Variants in ACBD6 observed in about 807,000 individuals in gnomAD.
The protein encoded by ACBD6 is acyl-CoA binding domain containing 6.
In ACBD6, 28 loss-of-function variants were observed where a neutral mutation model predicts 37.2. The ratio of observed to expected loss-of-function variants is 0.75; its 90% CI spans 0.56 to 1.03. The LOEUF is 1.03. Among genes scored for constraint, ACBD6 ranks in the 50% least tolerant of loss-of-function variants. The pLI is 0.00. For missense variants in ACBD6, 340 were observed against 337.4 expected (o/e 1.01, Z -0.06); for synonymous variants, 113 against 126.8 (o/e 0.89, Z 0.73).
chr1:180,359,727 T>C (rs2101901861), intron 6 of ACBD6, among the ~76,000 whole-genome samples: 1 of 152,322 alleles, frequency 6.6e-6, no homozygotes, highest in Non-Finnish European at 1.5e-5. Flanking sequence ...TGCTTTGCTG[T>C]TATGACTTTT....
At chr1:180,319,384 G>C (rs1650963985) in intron 6 of ACBD6, among the ~76,000 whole-genome samples, 1 of 152,086 alleles carries the variant, frequency 6.6e-6, no homozygotes, top group Non-Finnish European at 1.5e-5. Flanking sequence ...GTACACAGTA[G>C]GTATATATAT....
chr1:180,312,501 T>C (rs966818550), intron 7 of ACBD6, among the ~76,000 whole-genome samples: 9 of 152,206 alleles, frequency 5.9e-5, no homozygotes, highest in Non-Finnish European at 1.2e-4. Context: ...AGAATGATGA[T>C]GATTTTGTTT....
chr1:180,363,311 A>C (rs1411972535), intron 6 of ACBD6, among the ~76,000 whole-genome samples: 1 of 152,190 alleles, frequency 6.6e-6, no homozygotes, highest in East Asian at 1.9e-4. Context: ...ATAAATTTTG[A>C]TAGAGGACTG....
chr1:180,425,239 C>T (rs1648534474), intron 4 of ACBD6, among the ~76,000 whole-genome samples: 1 of 152,150 alleles, frequency 6.6e-6, no homozygotes, highest in South Asian at 2.1e-4. Context: ...TTTGCTTTCT[C>T]AATTATTTAT....
At chr1:180,390,284 C>G (rs184721303) in intron 6 of ACBD6, among the ~76,000 whole-genome samples, 15,470 of 137,734 alleles carry the variant, frequency 0.11, 915 homozygotes, top group Middle Eastern at 0.17. Flanking sequence ...GCTTGTTTTT[C>G]TCAGGTTTGT....
Position 180,397,915 on chromosome 1 carries a change from T to C in ACBD6, c.574-310A>G, listed in dbSNP as rs41267626. Among the ~76,000 whole-genome samples, 962 of 152,212 alleles carry C rather than the reference T, an allele frequency of 6.3e-3. 4 individuals carry two copies. The highest frequency in any genetic ancestry group is 0.011 in the Non-Finnish European group (763 of 68,022). ...TAAAAATACAAAAATTAGCTGGGCA[T>C]GGTGATGGGTGCTTGTAATCCCAGC... is the stretch of plus-strand genomic sequence containing the variant. On this transcript the variant is annotated intron_variant, in intron 5 of 7. Transcript: ENST00000367595.
At chr1:180,481,949 C>T (rs1393454088) in intron 3 of ACBD6, among the ~76,000 whole-genome samples, 1 of 152,088 alleles carries the variant, frequency 6.6e-6, no homozygotes, top group East Asian at 1.9e-4. Flanking sequence ...GTTCGATAGT[C>T]AGGTGAATTT....
chr1:180,287,653 G>T (rs1188443389), downstream of ACBD6, among the ~76,000 whole-genome samples: 1 of 139,316 alleles, frequency 7.2e-6, no homozygotes, highest in Non-Finnish European at 1.5e-5. Flanking sequence ...AATTAAAAGA[G>T]CCCTAAAGAA....
intron 4 of ACBD6, among the ~76,000 whole-genome samples, chr1:180,421,166 C>T (rs1648346590): frequency 6.6e-6 from 1 of 152,096 alleles, no homozygotes; most frequent in Non-Finnish European, 1.5e-5. Flanking sequence ...TGATGCTCTC[C>T]CTCCCCCTAC....
intron 3 of ACBD6, among the ~76,000 whole-genome samples, chr1:180,450,754 T>C (rs1318712398): frequency 1.3e-5 from 2 of 151,594 alleles, no homozygotes; most frequent in African/African-American, 4.9e-5. Context: ...TGAGACTCTG[T>C]CAAAAAAACA....
rs772461359 is a variant in ACBD6, at chr1:180,430,200, T to C, written c.447A>G (p.Leu149=). Residue 149 remains leucine, a synonymous_variant, in exon 4 of 8, where the codon CTA becomes CTG. Transcript: ENST00000367595. ...TGFGGPVISS[L]YHEETIREED... ...ATTACCTGATGGTTTCTTCATGATA[T>C]AGAGAACTAATAACTGGCCCACCAA... 4.3e-6 allele frequency: 7 copies of C among 1,613,256 alleles called. No homozygotes were observed. Among genetic ancestry groups the C allele is most frequent in the African/African-American group, 1.3e-5 (1 of 74,898 alleles).
exon 10 of ACBD6, chr1:180,274,720 A>G: frequency 1.9e-6 from 2 of 1,052,260 alleles, no homozygotes; most frequent in East Asian, 2.5e-5. Flanking sequence ...GCTGATTCCT[A>G]GAAGGCTGTG....
At chr1:180,481,117 C>T (rs1457513643) in intron 3 of ACBD6, among the ~76,000 whole-genome samples, 2 of 152,140 alleles carry the variant, frequency 1.3e-5, no homozygotes, top group East Asian at 3.9e-4. Context: ...AGCTAACATC[C>T]AATTCCCCTC....
At chr1:180,437,585 GACA>G (rs1649095904) in intron 3 of ACBD6, among the ~76,000 whole-genome samples, 1 of 152,164 alleles carries the variant, frequency 6.6e-6, no homozygotes, top group East Asian at 1.9e-4. Flanking sequence ...TCTGTTCACA[GACA>G]ACAAGATTTT....
chr1:180,405,850 T>C (rs1647602050), intron 5 of ACBD6, among the ~76,000 whole-genome samples: 1 of 152,168 alleles, frequency 6.6e-6, no homozygotes, highest in Non-Finnish European at 1.5e-5. Context: ...ATATTTGGTA[T>C]GTGTGAAGAG....
chr1:180,461,426 T>C (rs928562511), intron 3 of ACBD6, among the ~76,000 whole-genome samples: 1 of 152,144 alleles, frequency 6.6e-6, no homozygotes, highest in Non-Finnish European at 1.5e-5. Context: ...CCCAGTAAGA[T>C]ACCTCACGAG....
At position 180,329,542 on chromosome 1, in the gene ACBD6, C is replaced by T. The variant is rs555012650; in HGVS notation, c.664-14820G>A. Among the ~76,000 whole-genome samples the T allele has an allele frequency of 2.6e-5, 4 of 152,178 alleles. No individual in the cohort carries two copies. The South Asian group carries it at 8.3e-4, about 32-fold the overall frequency. On this transcript the variant is annotated intron_variant, in intron 6 of 7. Transcript: ENST00000367595. ...GTCTCACAACATGATTTGTAGAAAG[C>T]TTTATTATAGATCTGTGTATTTTAT...
At chr1:180,432,877 G>C (rs1367395819) in intron 3 of ACBD6, among the ~76,000 whole-genome samples, 1 of 151,014 alleles carries the variant, frequency 6.6e-6, no homozygotes, top group East Asian at 1.9e-4. Flanking sequence ...AAATCTGACA[G>C]ACCTATCACC....
chr1:180,291,009 G>A (rs1002514487), intron 7 of ACBD6, among the ~76,000 whole-genome samples: 1 of 152,212 alleles, frequency 6.6e-6, no homozygotes, highest in African/African-American at 2.4e-5. Flanking sequence ...AAATCATATA[G>A]CATAGTCTTT....
Sources: gnomAD v4.1 joint callset for allele counts (sites outside exome capture counted in the v4.1 genomes callset) on GRCh38, gnomAD v4.1.1 for gene constraint, MANE v1.5 for transcripts, NCBI Gene and HGNC (gene_info 2026-07-23, HGNC 2026-07-21) for gene names.